KCNJ6: variants seen among roughly 807,000 people sequenced by gnomAD.
KCNJ6 encodes the protein potassium inwardly rectifying channel subfamily J member 6, also known as G protein-activated inward rectifier potassium channel 2.
KCNJ6 carries 9 observed loss-of-function variants against 34.2 expected under a neutral mutation model. The ratio of observed to expected loss-of-function variants is 0.26; its 90% CI spans 0.16 to 0.46. KCNJ6 has a LOEUF of 0.46. Among genes scored for constraint, KCNJ6 ranks in the 20% least tolerant of loss-of-function variants. The pLI is 1.00. For missense variants in KCNJ6, 236 were observed against 531.3 expected, an observed-to-expected ratio of 0.44 and a Z score of 5.46; for synonymous variants, 196 against 207.1, an observed-to-expected ratio of 0.95 and a Z score of 0.46.
intron 1 of KCNJ6, among the ~76,000 whole-genome samples, chr21:37,908,685 T>C (rs140383683): frequency 2.2e-3 from 340 of 152,328 alleles, no homozygotes; most frequent in Middle Eastern, 0.01. Context: ...TTAAGAATCA[T>C]CTACACCTAC....
intron 3 of KCNJ6, among the ~76,000 whole-genome samples, chr21:37,629,917 T>TA (rs1237313477): frequency 6.6e-6 from 1 of 151,584 alleles, no homozygotes; most frequent in African/African-American, 2.4e-5. Context: ...TAAAAAAGGA[T>TA]AAAAAAGAAT....
At chr21:37,736,934 C>T (rs1409797345) in intron 2 of KCNJ6, among the ~76,000 whole-genome samples, 1 of 152,214 alleles carries the variant, frequency 6.6e-6, no homozygotes, top group South Asian at 2.1e-4. Flanking sequence ...CGAGTTGCTG[C>T]GCTGGGCTGT....
chr21:37,684,924 T>C (rs986228813), intron 3 of KCNJ6, among the ~76,000 whole-genome samples: 5 of 152,178 alleles, frequency 3.3e-5, no homozygotes, highest in Admixed American at 6.5e-5. Context: ...GAAAGAAACA[T>C]GTCAATAACT....
At chr21:37,715,548 G>A (rs979574573) in intron 2 of KCNJ6, among the ~76,000 whole-genome samples, 1 of 152,168 alleles carries the variant, frequency 6.6e-6, no homozygotes, top group Non-Finnish European at 1.5e-5. Flanking sequence ...GTGGGCTCTT[G>A]GCCATGATAT....
chr21:37,671,392 C>CCCTCTTCTTG (rs1170929918), intron 3 of KCNJ6, among the ~76,000 whole-genome samples: 30 of 152,202 alleles, frequency 2.0e-4, no homozygotes, highest in African/African-American at 7.2e-4. Context: ...GAGGGCGTGC[C>CCCTCTTCTTG]CCTCTTCTTG....
In KCNJ6 at chr21:37,690,590, C is replaced by T. The variant is rs114531759; in HGVS notation, c.946+23621G>A. The stretch of plus-strand genomic sequence containing the variant: ...GCCTAAGAGTATTTTCTTGAAATTT[C>T]GGCATGGTGCCACAGCTACCAACCA... On this transcript the variant is annotated intron_variant, in intron 3 of 3. Coordinates refer to ENST00000609713, the MANE Select transcript of KCNJ6 (RefSeq NM_002240.5). Among the ~76,000 whole-genome samples the T allele has an allele frequency of 2.6e-3, 398 of 152,222 alleles. 1 individual carries two copies. The highest frequency in any genetic ancestry group is 8.8e-3 in the African/African-American group (366 of 41,534).
At chr21:37,848,938 C>G (rs1264820722) in intron 1 of KCNJ6, among the ~76,000 whole-genome samples, 1 of 152,124 alleles carries the variant, frequency 6.6e-6, no homozygotes, top group African/African-American at 2.4e-5. Context: ...ACGAATTTCC[C>G]CAGGGGAGTT....
intron 1 of KCNJ6, among the ~76,000 whole-genome samples, chr21:37,890,714 C>T (rs768174253): frequency 2.0e-5 from 3 of 152,104 alleles, no homozygotes; most frequent in Non-Finnish European, 4.4e-5. Flanking sequence ...TAAAACATGG[C>T]GGCTCTGTGT....
chr21:37,784,628 C>T (rs1248722518), intron 2 of KCNJ6, among the ~76,000 whole-genome samples: 1 of 152,208 alleles, frequency 6.6e-6, no homozygotes, highest in East Asian at 1.9e-4. Context: ...AACTGTCACA[C>T]TGCACTGAGT....
At chr21:37,697,470 A>G (rs2054668817) in intron 3 of KCNJ6, among the ~76,000 whole-genome samples, 1 of 152,232 alleles carries the variant, frequency 6.6e-6, no homozygotes, top group Admixed American at 6.5e-5. Context: ...AATCCATTCT[A>G]GAAGAAAACG....
At chr21:37,837,708 T>G (rs1209137915) in intron 2 of KCNJ6, among the ~76,000 whole-genome samples, 1 of 130,584 alleles carries the variant, frequency 7.7e-6, no homozygotes, top group East Asian at 2.8e-4. Context: ...TTCATGGTTC[T>G]GTCTGTTTTT....
chr21:37,823,899 C>T (rs145391758), intron 2 of KCNJ6, among the ~76,000 whole-genome samples: 10 of 152,380 alleles, frequency 6.6e-5, no homozygotes, highest in Admixed American at 2.0e-4. Context: ...GCTTACCATA[C>T]GGTATGGTGA....
chr21:37,913,067 C>T (rs2055874421), intron 1 of KCNJ6, among the ~76,000 whole-genome samples: 1 of 152,226 alleles, frequency 6.6e-6, no homozygotes, highest in African/African-American at 2.4e-5. Flanking sequence ...GGATGGCACT[C>T]TGACAGGCAT....
In KCNJ6 at chr21:37,623,844, T is replaced by C. The variant is rs2054299236; in HGVS notation, c.*1315A>G. ...TAAAAGATCACAATGCAAGAAATGCTGATGGATAAGCCCCAGGGACAGGCG... is the reference window on the plus strand; with the variant it reads ...TAAAAGATCACAATGCAAGAAATGCCGATGGATAAGCCCCAGGGACAGGCG... On this transcript the variant is annotated 3_prime_UTR_variant, in exon 4 of 4. Coordinates refer to ENST00000609713, the MANE Select transcript of KCNJ6 (RefSeq NM_002240.5). 1.3e-5 allele frequency: 2 copies of C among 152,234 alleles called. No individual in the cohort carries two copies. Among genetic ancestry groups the C allele is most frequent in the Admixed American group, 6.5e-5 (1 of 15,286 alleles). 9.4% of individuals were successfully genotyped at this position (152,234 alleles called of 1,614,324 possible). A position where few individuals can be genotyped will look rare whatever the true frequency, so the allele number is the denominator to read the frequency against.
chr21:37,634,052 T>C (rs2054345897), intron 3 of KCNJ6, among the ~76,000 whole-genome samples: 1 of 152,162 alleles, frequency 6.6e-6, no homozygotes, highest in African/African-American at 2.4e-5. Context: ...ACAGGACATA[T>C]TTAGTAAGTA....
chr21:37,780,960 C>T (rs1388877375), intron 2 of KCNJ6, among the ~76,000 whole-genome samples: 3 of 152,180 alleles, frequency 2.0e-5, no homozygotes, highest in East Asian at 1.9e-4. Flanking sequence ...AAATAACAAA[C>T]ATGGCCTATT....
At chr21:37,673,108 CAAAG>C (rs1162572249) in intron 3 of KCNJ6, among the ~76,000 whole-genome samples, 6 of 152,168 alleles carry the variant, frequency 3.9e-5, no homozygotes, top group African/African-American at 1.4e-4. Context: ...AGAGAGAAAA[CAAAG>C]GAGGAGAAGA....
intron 3 of KCNJ6, among the ~76,000 whole-genome samples, chr21:37,642,472 T>C (rs1286055778): frequency 6.6e-6 from 1 of 152,064 alleles, no homozygotes; most frequent in Non-Finnish European, 1.5e-5. Flanking sequence ...AACTGAACAA[T>C]ATGCATTGGA....
intron 3 of KCNJ6, among the ~76,000 whole-genome samples, chr21:37,661,383 T>C (rs542130213): frequency 6.6e-6 from 1 of 152,310 alleles, no homozygotes; most frequent in South Asian, 2.1e-4. Flanking sequence ...TGATTTTTAA[T>C]AACAAATGAC....
Sources: allele counts gnomAD v4.1 joint callset (sites outside exome capture counted in the v4.1 genomes callset), GRCh38; gene constraint gnomAD v4.1.1; transcripts MANE v1.5; gene names NCBI Gene and HGNC (gene_info 2026-07-23, HGNC 2026-07-21).